GALNT14: variants seen among roughly 807,000 people sequenced by gnomAD.
The protein encoded by GALNT14 is UDP-GalNAc:polypeptide N-acetylgalactosaminyltransferase 14.
In GALNT14, 60 loss-of-function variants were observed where a neutral mutation model predicts 77.5. The observed-to-expected ratio is 0.77, with a 90% CI of 0.63 to 0.96. The LOEUF (loss-of-function observed/expected upper bound fraction) is 0.96. Among genes scored for constraint, GALNT14 ranks in the 40% least tolerant of loss-of-function variants. The pLI is 0.00. For synonymous variants in GALNT14, 280 were observed against 281.7 expected (o/e 0.99, Z 0.06); for missense variants, 710 against 731.0 (o/e 0.97, Z 0.33).
At chr2:31,066,406 C>T (rs1460184599) in intron 1 of GALNT14, among the ~76,000 whole-genome samples, 7 of 59,910 alleles carry the variant, frequency 1.2e-4, no homozygotes, top group Non-Finnish European at 2.5e-4. Context: ...CGAAAGGGTG[C>T]GGGGGCGGGG....
chr2:30,916,727 T>G (rs1168947960), intron 13 of GALNT14, among the ~76,000 whole-genome samples: 1 of 152,102 alleles, frequency 6.6e-6, no homozygotes, highest in Non-Finnish European at 1.5e-5. Flanking sequence ...GCACCCAGCC[T>G]GGGGCTTGTG....
In GALNT14 at chr2:30,912,264, G is replaced by T. The variant is rs1296632084; in HGVS notation, c.1459C>A (p.Pro487Thr). 2 of 1,613,978 alleles carry T rather than the reference G, an allele frequency of 1.2e-6. No homozygotes were observed. Among genetic ancestry groups the T allele is most frequent in the Non-Finnish European group, 1.7e-6 (2 of 1,180,000 alleles). ...LSVITLFPGA[P>T]VVLVLCKNGD... ...TTCTTGCAAAGGACAAGAACCACTG[G>T]GGCGCCAGGGAACAAGGTGATGACT... Residue 487 changes from proline (P) to threonine (T), a missense_variant, in exon 14 of 15, where the codon CCA (proline) becomes ACA (threonine). Physicochemically the swap from Pro to Thr is conservative, Grantham distance 38. Transcript: ENST00000349752.
chr2:30,938,288 C>T (rs571087563), intron 9 of GALNT14, among the ~76,000 whole-genome samples: 1 of 145,812 alleles, frequency 6.9e-6, no homozygotes, highest in South Asian at 2.2e-4. Context: ...GCTTACATAC[C>T]TACACACACA....
intron 9 of GALNT14, among the ~76,000 whole-genome samples, chr2:30,934,027 A>G (rs185506927): frequency 1.6e-4 from 24 of 152,328 alleles, no homozygotes; most frequent in Admixed American, 6.5e-4. Flanking sequence ...TGACTTACAG[A>G]TGCTTCTTCC....
In GALNT14 at chr2:31,075,744, A is replaced by G. The variant is rs77269244; in HGVS notation, c.129+62214T>C. Among the ~76,000 whole-genome samples, 354 of 152,348 alleles carry G rather than the reference A, an allele frequency of 2.3e-3. 1 individual carries two copies. In the Middle Eastern group the frequency reaches 0.024, roughly 10 times the overall value. On this transcript the variant is annotated intron_variant, in intron 1 of 14. Coordinates refer to ENST00000349752, the MANE Select transcript of GALNT14 (RefSeq NM_024572.4). The stretch of plus-strand genomic sequence containing the variant: ...TTGATGATTGAATCACACATATTCC[A>G]TCTCAATAACATGATTTCACTTTGA...
intron 8 of GALNT14, among the ~76,000 whole-genome samples, chr2:30,943,303 G>C (rs540938139): frequency 6.6e-6 from 1 of 152,294 alleles, no homozygotes; most frequent in South Asian, 2.1e-4. Flanking sequence ...AAGGCAGGAG[G>C]GGAGCAGATT....
chr2:31,121,778 T>C (rs1678426756), intron 1 of GALNT14, among the ~76,000 whole-genome samples: 1 of 152,136 alleles, frequency 6.6e-6, no homozygotes. Context: ...AACTGCATCA[T>C]AACATGGCGT....
intron 3 of GALNT14, among the ~76,000 whole-genome samples, chr2:30,958,773 A>AC (rs1237099641): frequency 6.6e-6 from 1 of 151,938 alleles, no homozygotes; most frequent in Non-Finnish European, 1.5e-5. Flanking sequence ...GGAAAATGTC[A>AC]CTCAAATCAC....
At chr2:30,986,832 G>A (rs1037972721) in intron 2 of GALNT14, 6 of 152,170 alleles carry the variant, frequency 3.9e-5, no homozygotes, top group African/African-American at 1.4e-4. Context: ...CTTAAGCAGT[G>A]ACCTGGAAAT....
intron 1 of GALNT14, among the ~76,000 whole-genome samples, chr2:31,020,482 G>C (rs1671650338): frequency 6.6e-6 from 1 of 152,168 alleles, no homozygotes; most frequent in Non-Finnish European, 1.5e-5. Context: ...TGGGAGTGGG[G>C]CACAGCCCAC....
At chr2:31,108,593 C>G (rs982634720) in intron 1 of GALNT14, among the ~76,000 whole-genome samples, 3 of 152,208 alleles carry the variant, frequency 2.0e-5, no homozygotes, top group African/African-American at 7.2e-5. Context: ...CTGGTTGGAG[C>G]ATTGGGCATT....
At chr2:31,075,748 C>G (rs879848087) in intron 1 of GALNT14, among the ~76,000 whole-genome samples, 1 of 152,226 alleles carries the variant, frequency 6.6e-6, no homozygotes, top group Non-Finnish European at 1.5e-5. Flanking sequence ...TATTCCATCT[C>G]AATAACATGA....
intron 13 of GALNT14, among the ~76,000 whole-genome samples, chr2:30,919,512 C>T (rs1488208742): frequency 3.3e-5 from 5 of 152,210 alleles, no homozygotes; most frequent in Non-Finnish European, 7.3e-5. Flanking sequence ...CAGCCCTTGG[C>T]TCCCATTCTC....
intron 1 of GALNT14, among the ~76,000 whole-genome samples, chr2:31,133,439 C>T (rs902824267): frequency 6.6e-6 from 1 of 152,104 alleles, no homozygotes; most frequent in Non-Finnish European, 1.5e-5. Flanking sequence ...TGGTGGGATG[C>T]AAATGTTACA....
At chr2:31,131,533 G>A (rs1014798099) in intron 1 of GALNT14, among the ~76,000 whole-genome samples, 1 of 152,214 alleles carries the variant, frequency 6.6e-6, no homozygotes, top group South Asian at 2.1e-4. Flanking sequence ...ACTTTGGGAT[G>A]CTATAGAAGA....
intron 6 of GALNT14, among the ~76,000 whole-genome samples, chr2:30,955,331 T>C (rs532388343): frequency 6.6e-6 from 1 of 152,212 alleles, no homozygotes; most frequent in African/African-American, 2.4e-5. Flanking sequence ...AGTTCATTCC[T>C]GCCCAGGAAA....
intron 1 of GALNT14, among the ~76,000 whole-genome samples, chr2:31,079,339 C>G (rs1363733355): frequency 6.6e-6 from 1 of 152,148 alleles, no homozygotes; most frequent in Non-Finnish European, 1.5e-5. Context: ...GAAGATGCAC[C>G]TGAATGTGTG....
the GALNT14 span, among the ~76,000 whole-genome samples, chr2:30,887,681 A>G: frequency 0.42 from 64,528 of 152,074 alleles, 13,957 homozygotes; most frequent in East Asian, 0.6. Flanking sequence ...TCTTGATAAT[A>G]CCTTTTGACG....
chr2:30,887,385 TTC>T, the GALNT14 span, among the ~76,000 whole-genome samples: 3 of 152,076 alleles, frequency 2.0e-5, no homozygotes, highest in Admixed American at 6.5e-5. Context: ...AATAATTATT[TTC>T]TTTTTTTTAA....
Sources: allele counts gnomAD v4.1 joint callset (sites outside exome capture counted in the v4.1 genomes callset), GRCh38; gene constraint gnomAD v4.1.1; transcripts MANE v1.5; gene names NCBI Gene and HGNC (gene_info 2026-07-23, HGNC 2026-07-21).